Variants in AUTS2 observed in about 807,000 individuals in gnomAD.
The protein encoded by AUTS2 is autism susceptibility gene 2 protein.
AUTS2 carries 17 observed loss-of-function variants against 112.4 expected under a neutral mutation model. That is an observed-to-expected ratio of 0.15 (90% confidence interval 0.10 to 0.23). The LOEUF (loss-of-function observed/expected upper bound fraction) is 0.23. AUTS2 is among the 10% of genes least tolerant of loss of function. AUTS2 has a pLI of 1.00. For synonymous variants in AUTS2, 751 were observed against 702.7 expected, an observed-to-expected ratio of 1.07 and a Z score of -1.09; for missense variants, 1,510 against 1,701.6, an observed-to-expected ratio of 0.89 and a Z score of 1.98.
rs200011798 is a variant in AUTS2, at chr7:70,364,566, AAAATAAATAAAT to A, written c.661-71146_661-71135del. Among the ~76,000 whole-genome samples the A allele has an allele frequency of 2.8e-3, 391 of 138,100 alleles. 2 individuals carry two copies. Among genetic ancestry groups the A allele is most frequent in the Middle Eastern group, 7.2e-3 (2 of 278 alleles). 90.6% of individuals were successfully genotyped at this position (138,100 alleles called of 152,430 possible). On this transcript the variant is annotated intron_variant, in intron 4 of 18. Transcript: ENST00000342771. Reference sequence around the variant, plus strand: ...GGTGACAAAGCAAGACTCTGTCTCAAAAATAAATAAATAAATAAATAAATAAATAAATAAATA... The same window carrying A: ...GGTGACAAAGCAAGACTCTGTCTCAAAAATAAATAAATAAATAAATAAATA...
chr7:70,120,321 T>C (rs997825769), intron 3 of AUTS2: 2 of 152,172 alleles, frequency 1.3e-5, no homozygotes, highest in African/African-American at 2.4e-5. Context: ...AACCTCCCCT[T>C]CTTCTGTGAT....
chr7:70,094,105 T>C (rs1419749334), intron 2 of AUTS2, among the ~76,000 whole-genome samples: 1 of 152,252 alleles, frequency 6.6e-6, no homozygotes, highest in East Asian at 1.9e-4. Flanking sequence ...AATAGTCCTT[T>C]GAGGACTTTC....
chr7:69,705,281 C>T (rs1798015175), intron 1 of AUTS2, among the ~76,000 whole-genome samples: 1 of 152,288 alleles, frequency 6.6e-6, no homozygotes, highest in South Asian at 2.1e-4. Context: ...GGGCCTATCT[C>T]AATTTAGCCT....
intron 6 of AUTS2, among the ~76,000 whole-genome samples, chr7:70,727,667 C>T (rs10282512): frequency 0.23 from 34,891 of 152,104 alleles, 4,866 homozygotes; most frequent in East Asian, 0.58. Context: ...TTAAAACTTA[C>T]GTTTCAGAGG....
At chr7:70,285,573 A>T (rs1395820280) in intron 4 of AUTS2, among the ~76,000 whole-genome samples, 1 of 152,228 alleles carries the variant, frequency 6.6e-6, no homozygotes, top group African/African-American at 2.4e-5. Flanking sequence ...ATCTTAGCAC[A>T]TATACATGTT....
At chr7:70,277,948 GTA>G (rs770062176) in intron 4 of AUTS2, among the ~76,000 whole-genome samples, 16,418 of 141,516 alleles carry the variant, frequency 0.12, 1,200 homozygotes, top group African/African-American at 0.24. Flanking sequence ...GTGTGTGTGT[GTA>G]TGTATGTATG....
rs78730083 is a variant in AUTS2, at chr7:69,989,701, G to A, written c.522+90203G>A. Among the ~76,000 whole-genome samples, 448 of 152,264 alleles carry A rather than the reference G, an allele frequency of 2.9e-3. 5 individuals are homozygous for A. Among genetic ancestry groups the A allele is most frequent in the African/African-American group, 0.01 (434 of 41,548 alleles). Reference sequence around the variant, plus strand: ...CATCAAGTAGACTAGGGGAAGAAGAGTACATCTGTTTTCCCTAGAGAACAG... The same window carrying A: ...CATCAAGTAGACTAGGGGAAGAAGAATACATCTGTTTTCCCTAGAGAACAG... On this transcript the variant is annotated intron_variant, in intron 2 of 18. Transcript: ENST00000342771.
chr7:70,521,593 C>G (rs1467651619), intron 5 of AUTS2, among the ~76,000 whole-genome samples: 1 of 152,194 alleles, frequency 6.6e-6, no homozygotes, highest in East Asian at 1.9e-4. Context: ...ACAAAATACA[C>G]TTTCATATTT....
chr7:69,871,844 T>G (rs938456529), intron 1 of AUTS2, among the ~76,000 whole-genome samples: 3 of 152,200 alleles, frequency 2.0e-5, no homozygotes, highest in African/African-American at 7.2e-5. Context: ...CATTTAATAT[T>G]TTCAGATTGT....
intron 5 of AUTS2, among the ~76,000 whole-genome samples, chr7:70,614,546 G>T (rs1364307452): frequency 3.9e-5 from 6 of 152,218 alleles, no homozygotes; most frequent in Non-Finnish European, 8.8e-5. Flanking sequence ...CCTTCCTGCG[G>T]CAGGGATTGG....
At chr7:70,403,217 T>G (rs1794398653) in intron 4 of AUTS2, among the ~76,000 whole-genome samples, 1 of 152,148 alleles carries the variant, frequency 6.6e-6, no homozygotes, top group Non-Finnish European at 1.5e-5. Context: ...AATCACAAAA[T>G]GAATAAAAGA....
At position 70,071,090 on chromosome 7, in the gene AUTS2, C is replaced by T. The variant is rs549071882; in HGVS notation, c.523-47042C>T. 4.4e-4 allele frequency among the ~76,000 whole-genome samples: 67 copies of T among 152,226 alleles called. 1 individual carries two copies. The highest frequency in any genetic ancestry group is 1.4e-3 in the African/African-American group (59 of 41,530). ...TCTGTGTTTCTTCTGTACCTAATGGCATATAATAAATTCACTGTTTTGTTT... is the reference window on the plus strand; with the variant it reads ...TCTGTGTTTCTTCTGTACCTAATGGTATATAATAAATTCACTGTTTTGTTT... On this transcript the variant is annotated intron_variant, in intron 2 of 18. Transcript: ENST00000342771.
intron 2 of AUTS2, among the ~76,000 whole-genome samples, chr7:70,024,398 C>T (rs2129555666): frequency 6.6e-6 from 1 of 152,282 alleles, no homozygotes; most frequent in African/African-American, 2.4e-5. Flanking sequence ...CTTTTAAAAT[C>T]CTCTGAATGT....
intron 1 of AUTS2, among the ~76,000 whole-genome samples, chr7:69,634,121 TA>T (rs1362164347): frequency 3.3e-5 from 5 of 151,478 alleles, no homozygotes; most frequent in East Asian, 1.9e-4. Flanking sequence ...CAGACTTGAT[TA>T]TTATTTTTTT....
chr7:69,995,084 A>G (rs1370347976), intron 2 of AUTS2, among the ~76,000 whole-genome samples: 1 of 152,124 alleles, frequency 6.6e-6, no homozygotes, highest in Non-Finnish European at 1.5e-5. Flanking sequence ...TACCTATCAG[A>G]GTCTGGCCGT....
chr7:70,744,759 C>G (rs1454550018), intron 6 of AUTS2, among the ~76,000 whole-genome samples: 2 of 152,178 alleles, frequency 1.3e-5, no homozygotes, highest in Non-Finnish European at 2.9e-5. Context: ...GAGGACCTGA[C>G]TGACACGTGA....
chr7:70,165,815 A>G (rs1808350834), intron 4 of AUTS2, among the ~76,000 whole-genome samples: 1 of 152,214 alleles, frequency 6.6e-6, no homozygotes, highest in Admixed American at 6.5e-5. Context: ...AGATTAGAGT[A>G]TGGGTTGACA....
intron 5 of AUTS2, among the ~76,000 whole-genome samples, chr7:70,646,308 G>C (rs1027681533): frequency 6.6e-6 from 1 of 152,218 alleles, no homozygotes; most frequent in South Asian, 2.1e-4. Context: ...GTGAGGTTAA[G>C]GCAGAGTCCA....
At chr7:69,854,139 A>G (rs866820969) in intron 1 of AUTS2, among the ~76,000 whole-genome samples, 1 of 152,186 alleles carries the variant, frequency 6.6e-6, no homozygotes, top group Non-Finnish European at 1.5e-5. Context: ...AATACCGATT[A>G]TAAGTCCTGA....
Sources: gnomAD v4.1 joint callset for allele counts (sites outside exome capture counted in the v4.1 genomes callset) on GRCh38, gnomAD v4.1.1 for gene constraint, MANE v1.5 for transcripts, NCBI Gene and HGNC (gene_info 2026-07-23, HGNC 2026-07-21) for gene names.